The following GALNT14 variants were observed in gnomAD, a reference collection of about 807,000 sequenced individuals.
GALNT14 encodes UDP-GalNAc:polypeptide N-acetylgalactosaminyltransferase 14.
Under a neutral mutation model 77.5 loss-of-function variants are expected in GALNT14, and 60 were observed. That is an observed-to-expected ratio of 0.77 (90% CI 0.63 to 0.96). The LOEUF is 0.96. Ranked by LOEUF, GALNT14 falls within the 40% of genes least tolerant of loss-of-function variation. GALNT14 has a pLI of 0.00. For missense variants in GALNT14, 710 were observed against 731.0 expected (o/e 0.97, Z 0.33); for synonymous variants, 280 against 281.7 (o/e 0.99, Z 0.06).
intron 1 of GALNT14, among the ~76,000 whole-genome samples, chr2:31,044,158 A>C (rs558091692): frequency 2.0e-5 from 3 of 152,318 alleles, no homozygotes; most frequent in African/African-American, 7.2e-5. Flanking sequence ...TTAAAGCCAC[A>C]GGTTGTTATA....
chr2:30,897,157 A>C, the GALNT14 span, among the ~76,000 whole-genome samples: 1 of 151,948 alleles, frequency 6.6e-6, no homozygotes. Flanking sequence ...AGGCTTGTTG[A>C]CTTGCTCTCC....
the GALNT14 span, among the ~76,000 whole-genome samples, chr2:30,901,598 G>A: frequency 6.6e-6 from 1 of 150,828 alleles, no homozygotes; most frequent in Non-Finnish European, 1.5e-5. Flanking sequence ...ATATATATAT[G>A]TGTGTGTATA....
At chr2:30,908,378 A>G (rs1664201646), downstream of GALNT14, among the ~76,000 whole-genome samples, 1 of 151,346 alleles carries the variant, frequency 6.6e-6, no homozygotes, top group African/African-American at 2.4e-5. Context: ...TACAAAATCA[A>G]TGTACAAAAA....
At chr2:30,898,790 G>A in the GALNT14 span, among the ~76,000 whole-genome samples, 1 of 152,124 alleles carries the variant, frequency 6.6e-6, no homozygotes, top group Non-Finnish European at 1.5e-5. Flanking sequence ...GGCAAAGTGA[G>A]GGATCAAGAA....
chr2:30,955,881 T>C (rs1313579065), intron 5 of GALNT14, 31 bp downstream of exon 5: 1 of 1,613,166 alleles, frequency 6.2e-7, no homozygotes, highest in Non-Finnish European at 8.5e-7. Flanking sequence ...ACACTCACAC[T>C]GGAGGCTCCC....
intron 1 of GALNT14, among the ~76,000 whole-genome samples, chr2:31,086,866 G>C (rs183671137): frequency 3.9e-5 from 6 of 152,206 alleles, no homozygotes; most frequent in African/African-American, 1.2e-4. Context: ...GTCTTTCAAG[G>C]TCATAAATTC....
At chr2:31,056,592 G>A (rs887927739) in intron 1 of GALNT14, among the ~76,000 whole-genome samples, 1 of 152,136 alleles carries the variant, frequency 6.6e-6, no homozygotes, top group African/African-American at 2.4e-5. Flanking sequence ...TGGGTCTTTC[G>A]TGTGCACCTG....
chr2:30,908,506 G>A (rs1293136125), downstream of GALNT14, among the ~76,000 whole-genome samples: 4 of 145,386 alleles, frequency 2.8e-5, no homozygotes, highest in African/African-American at 1.0e-4. Context: ...TACAAGGGAT[G>A]TGAAGGACCT....
At chr2:31,075,432 A>C (rs187447782) in intron 1 of GALNT14, among the ~76,000 whole-genome samples, 4 of 152,318 alleles carry the variant, frequency 2.6e-5, no homozygotes, top group Non-Finnish European at 5.9e-5. Flanking sequence ...AGCTGCTCCT[A>C]AAAGGTTTGT....
chr2:30,950,014 A>C (rs1307208703), intron 6 of GALNT14, among the ~76,000 whole-genome samples: 1 of 152,238 alleles, frequency 6.6e-6, no homozygotes, highest in Non-Finnish European at 1.5e-5. Context: ...GTGTGACCTG[A>C]ACTAAATCAG....
chr2:30,968,397 T>C lies in GALNT14; in HGVS notation c.300-2095A>G, dbSNP rs77960730. On this transcript the variant is annotated intron_variant, in intron 2 of 14. Coordinates refer to ENST00000349752, the MANE Select transcript of GALNT14 (RefSeq NM_024572.4). ...GGCAGCTCATATGACCCATAGAATA[T>C]GGTAGAAGTGACGGTGTGTGTCTCC... 6.5e-3 allele frequency among the ~76,000 whole-genome samples: 996 copies of C among 152,302 alleles called. 6 individuals are homozygous for C. Among genetic ancestry groups the C allele is most frequent in the African/African-American group, 0.023 (952 of 41,576 alleles).
intron 1 of GALNT14, chr2:31,078,899 G>C: frequency 7.8e-7 from 1 of 1,288,582 alleles, no homozygotes; most frequent in Non-Finnish European, 1.0e-6. Context: ...TGGGGACCAG[G>C]AGAGCAAAGG....
At chr2:30,989,685 A>G (rs1481032936) in intron 2 of GALNT14, among the ~76,000 whole-genome samples, 1 of 130,068 alleles carries the variant, frequency 7.7e-6, no homozygotes, top group Non-Finnish European at 1.6e-5. Flanking sequence ...TATAAAAAAT[A>G]TATATTAGTA....
chr2:31,102,578 A>G (rs1677333921), intron 1 of GALNT14, among the ~76,000 whole-genome samples: 1 of 152,130 alleles, frequency 6.6e-6, no homozygotes, highest in African/African-American at 2.4e-5. Flanking sequence ...ATAGATGGTC[A>G]ATATTTGTGA....
rs79723154 is a variant in GALNT14 at position 31,067,652 on chromosome 2, C to T, written c.129+70306G>A. 1.4e-4 allele frequency among the ~76,000 whole-genome samples: 22 copies of T among 152,316 alleles called. No homozygotes were observed. In the East Asian group the frequency reaches 3.3e-3, roughly 23 times the overall value. On this transcript the variant is annotated intron_variant, in intron 1 of 14. Transcript: ENST00000349752. ...AAGACAGGAGAGCCTACCCCTCTAG[C>T]AGAGGGAGGACTTAAGAGTTGGAGC... is the stretch of plus-strand genomic sequence containing the variant.
At chr2:31,129,978 G>A (rs1389820165) in intron 1 of GALNT14, among the ~76,000 whole-genome samples, 2 of 152,168 alleles carry the variant, frequency 1.3e-5, no homozygotes, top group Non-Finnish European at 2.9e-5. Flanking sequence ...TTAGGAAGAA[G>A]ACAGCCGGGG....
At chr2:31,101,368 C>T (rs1183883723) in intron 1 of GALNT14, among the ~76,000 whole-genome samples, 3 of 152,014 alleles carry the variant, frequency 2.0e-5, no homozygotes, top group Non-Finnish European at 4.4e-5. Context: ...TGTGTGCCTA[C>T]TTTGTCAGGT....
chr2:31,052,850 A>G (rs567011076), intron 1 of GALNT14, among the ~76,000 whole-genome samples: 1 of 152,326 alleles, frequency 6.6e-6, no homozygotes, highest in East Asian at 1.9e-4. Flanking sequence ...ATGTGTAATA[A>G]AAATTATTTG....
chr2:31,108,765 T>C (rs1343801009), intron 1 of GALNT14, among the ~76,000 whole-genome samples: 1 of 152,200 alleles, frequency 6.6e-6, no homozygotes, highest in Admixed American at 6.5e-5. Flanking sequence ...ATGGCTGTCA[T>C]GGCTGGAGGG....
Sources: allele counts gnomAD v4.1 joint callset (sites outside exome capture counted in the v4.1 genomes callset), GRCh38; gene constraint gnomAD v4.1.1; transcripts MANE v1.5; gene names NCBI Gene and HGNC (gene_info 2026-07-23, HGNC 2026-07-21).